EIF3A: variants seen among roughly 807,000 people sequenced by gnomAD.
The protein encoded by EIF3A is EIF3, p180 subunit.
In EIF3A, 21 loss-of-function variants were observed where a neutral mutation model predicts 186.6. The ratio of observed to expected loss-of-function variants is 0.11; its 90% CI spans 0.08 to 0.16. The LOEUF is 0.16. Among genes scored for constraint, EIF3A ranks in the 10% least tolerant of loss-of-function variants. EIF3A has a pLI of 1.00. For missense variants in EIF3A, 1,306 were observed against 1,796.3 expected, an observed-to-expected ratio of 0.73 and a Z score of 4.93; for synonymous variants, 563 against 584.3, an observed-to-expected ratio of 0.96 and a Z score of 0.52.
At chr10:119,060,683 C>A in intron 9 of EIF3A, 63 bp downstream of exon 9, 2 of 1,299,496 alleles carry the variant, frequency 1.5e-6, no homozygotes, top group South Asian at 1.4e-5. Context: ...TAGATTTTTC[C>A]AGTTTTTAGT....
In EIF3A at chr10:119,059,415, T is replaced by C. The variant is rs1269674588; in HGVS notation, c.1444-18A>G. The C allele has an allele frequency of 2.0e-6, 3 of 1,520,884 alleles. No homozygotes were observed. The highest frequency in any genetic ancestry group is 1.7e-4 in the Middle Eastern group (1 of 5,722). 94.2% of individuals were successfully genotyped at this position (1,520,884 alleles called of 1,614,324 possible). ...ATACGAACCTTTGAAAATTAAATTA[T>C]CAATGGTTAAATCCACAAGTAAGCA... On this transcript the variant is annotated intron_variant, in intron 10 of 21. Transcript: ENST00000369144.
At chr10:119,041,216 ATG>A (rs1179574883) in intron 19 of EIF3A, among the ~76,000 whole-genome samples, 1 of 152,024 alleles carries the variant, frequency 6.6e-6, no homozygotes, top group African/African-American at 2.4e-5. Flanking sequence ...TGTCACAAAC[ATG>A]TATACAACTG....
intron 18 of EIF3A, 136 bp downstream of exon 18, chr10:119,043,918 C>G: frequency 1.5e-6 from 1 of 689,492 alleles, no homozygotes; most frequent in South Asian, 1.8e-5. Flanking sequence ...AAATACAAAC[C>G]CACACGCAAT....
chr10:119,059,923 A>G, intron 9 of EIF3A: 3 of 615,330 alleles, frequency 4.9e-6, no homozygotes, highest in Non-Finnish European at 5.8e-6. Flanking sequence ...CCTCAAACCT[A>G]TAATCTTTTC....
chr10:119,075,444 CTTTTA>C (rs139232790), intron 1 of EIF3A, among the ~76,000 whole-genome samples: 2,139 of 151,738 alleles, frequency 0.014, 21 homozygotes, highest in Admixed American at 0.022. Flanking sequence ...ATTTCCTCAT[CTTTTA>C]TTTTCTTTTG....
At chr10:119,074,192 G>A (rs750173573) in intron 1 of EIF3A, among the ~76,000 whole-genome samples, 29 of 152,172 alleles carry the variant, frequency 1.9e-4, no homozygotes, top group Non-Finnish European at 3.5e-4. Context: ...CAGGCCGGGC[G>A]CAGTGGCTCA....
chr10:119,071,996 G>C (rs1278359820), intron 4 of EIF3A, among the ~76,000 whole-genome samples: 1 of 126,280 alleles, frequency 7.9e-6, no homozygotes, highest in Non-Finnish European at 1.6e-5. Context: ...CTGCACTCCA[G>C]CCTGGGCCAC....
At chr10:119,078,230 T>A (rs1283377956) in intron 1 of EIF3A, among the ~76,000 whole-genome samples, 1 of 152,126 alleles carries the variant, frequency 6.6e-6, no homozygotes, top group African/African-American at 2.4e-5. Flanking sequence ...ACTAATGATA[T>A]AATATGAAAA....
In EIF3A at chr10:119,073,584, C is replaced by A. The variant is rs751850191; in HGVS notation, c.241-7G>T. 2.5e-6 allele frequency: 4 copies of A among 1,602,592 alleles called. No individual in the cohort carries two copies. The highest frequency in any genetic ancestry group is 3.5e-5 in the Admixed American group (2 of 56,438). On this transcript the variant is annotated splice_region_variant and splice_polypyrimidine_tract_variant and intron_variant, in intron 2 of 21. Transcript: ENST00000369144. ...CCAGAGATTTTATGTTCACCTAATC[C>A]AAAAAAACAAAAACTCTTCAGAACT...
chr10:119,051,110 A>G, intron 15 of EIF3A, 89 bp downstream of exon 15: 1 of 1,161,594 alleles, frequency 8.6e-7, no homozygotes, highest in South Asian at 1.7e-5. Context: ...GTAACTCAAT[A>G]AAGAATATAC....
chr10:119,042,847 C>A lies in EIF3A; in HGVS notation c.2748-75G>T, dbSNP rs1848231376. The stretch of plus-strand genomic sequence containing the variant: ...GATCCTTTGGGGATTTTTTTTTTCA[C>A]ATGCTTTTTAAAAACTTCAGTATGG... On this transcript the variant is annotated intron_variant, in intron 18 of 21. Transcript: ENST00000369144. The surrounding 1 kb of genome is among the most constrained non-coding windows in gnomAD (Gnocchi z 7.8). 2.1e-6 allele frequency: 3 copies of A among 1,454,958 alleles called. No individual in the cohort carries two copies. Among genetic ancestry groups the A allele is most frequent in the African/African-American group, 2.9e-5 (2 of 69,734 alleles). 90.1% of individuals were successfully genotyped at this position (1,454,958 alleles called of 1,614,324 possible). A position where few individuals can be genotyped will look rare whatever the true frequency, so the allele number is the denominator to read the frequency against.
rs1848367766 is a variant in EIF3A at position 119,052,368 on chromosome 10, T to TGTGTGTGTGTGTGTG, written c.2197-1048_2197-1047insCACACACACACACAC. Among the ~76,000 whole-genome samples, 6 of 123,062 alleles carry TGTGTGTGTGTGTGTG rather than the reference T, an allele frequency of 4.9e-5. No individual in the cohort carries two copies. The East Asian group carries it at 7.3e-4, about 15-fold the overall frequency. The allele number at this position is 123,062 out of a possible 152,430, so 80.7% of individuals were successfully genotyped here. ...CTTCAGGTTATAGTCTTTTTTGGTT[T>TGTGTGTGTGTGTGTG]TGTGTGTGTGTGTGTGTGTGTGTGT... On this transcript the variant is annotated intron_variant, in intron 14 of 21. Coordinates refer to ENST00000369144, the MANE Select transcript of EIF3A (RefSeq NM_003750.4).
At position 119,071,088 on chromosome 10, in the gene EIF3A, A is replaced by G. The variant is rs752520927; in HGVS notation, c.542-3T>C. ...GTATTGGAGGCAGAATTTGAAAGCT[A>G]TAAGCATAATTGTAAAATATATTAG... On this transcript the variant is annotated splice_region_variant and splice_polypyrimidine_tract_variant and intron_variant, in intron 4 of 21. Transcript: ENST00000369144. 12 of 1,606,592 alleles carry G rather than the reference A, an allele frequency of 7.5e-6. No individual in the cohort carries two copies. Among genetic ancestry groups the G allele is most frequent in the African/African-American group, 2.7e-5 (2 of 74,820 alleles).
intron 6 of EIF3A, among the ~76,000 whole-genome samples, chr10:119,069,004 AAG>A (rs1844030241): frequency 6.6e-6 from 1 of 152,166 alleles, no homozygotes; most frequent in Non-Finnish European, 1.5e-5. Flanking sequence ...AAGGAAAAAA[AAG>A]TATTTTTCTT....
Position 119,080,785 on chromosome 10 carries a change from T to C in EIF3A, c.-109A>G, listed in dbSNP as rs1418922854. ...AAGGTCCCACGCGCCTCGCCAGCAG[T>C]CGCCCGCGCCCAGCCGGCCAGAGAC... On this transcript the variant is annotated 5_prime_UTR_variant, in exon 1 of 22. Transcript: ENST00000369144. The C allele has an allele frequency of 2.8e-6, 4 of 1,447,774 alleles. No individual in the cohort carries two copies. Among genetic ancestry groups the C allele is most frequent in the Non-Finnish European group, 3.7e-6 (4 of 1,095,728 alleles). The allele number at this position is 1,447,774 out of a possible 1,614,324, so 89.7% of individuals were successfully genotyped here.
At chr10:119,061,997 T>C (rs1293374991) in intron 7 of EIF3A, among the ~76,000 whole-genome samples, 1 of 152,056 alleles carries the variant, frequency 6.6e-6, no homozygotes, top group Non-Finnish European at 1.5e-5. Context: ...GAGGCAAATA[T>C]TGGCAGATCG....
chr10:119,078,739 A>G (rs1844214125), intron 1 of EIF3A, among the ~76,000 whole-genome samples: 1 of 152,160 alleles, frequency 6.6e-6, no homozygotes, highest in Non-Finnish European at 1.5e-5. Context: ...GCCTACTTTA[A>G]TTTCAGATCC....
chr10:119,075,711 C>CATT, intron 1 of EIF3A, among the ~76,000 whole-genome samples: 1 of 65,274 alleles, frequency 1.5e-5, no homozygotes, highest in Non-Finnish European at 2.6e-5. Context: ...TGGAAAAAGA[C>CATT]TTTTTTTTTT....
chr10:119,068,650 G>A (rs1844018485), intron 6 of EIF3A, among the ~76,000 whole-genome samples: 1 of 150,912 alleles, frequency 6.6e-6, no homozygotes, highest in African/African-American at 2.4e-5. Context: ...GGCGATAAGA[G>A]CGAAGGCTCT....
Sources: allele counts gnomAD v4.1 joint callset (sites outside exome capture counted in the v4.1 genomes callset), GRCh38; gene constraint gnomAD v4.1.1; non-coding constraint Gnocchi (gnomAD v3.1); transcripts MANE v1.5; gene names NCBI Gene and HGNC (gene_info 2026-07-23, HGNC 2026-07-21).